DNAAF3: variants seen among roughly 807,000 people sequenced by gnomAD.
DNAAF3 encodes the protein dynein axonemal assembly factor 3.
A neutral mutation model predicts 50.9 loss-of-function variants in DNAAF3; 40 were observed. The ratio of observed to expected loss-of-function variants is 0.79; its 90% confidence interval spans 0.61 to 1.02. DNAAF3 has a LOEUF of 1.02. DNAAF3 is among the 50% of genes least tolerant of loss of function. The pLI, the probability that DNAAF3 is intolerant of heterozygous loss-of-function variation, is 0.00. For synonymous variants in DNAAF3, 327 were observed against 322.8 expected (o/e 1.01, Z -0.14); for missense variants, 763 against 744.7 (o/e 1.02, Z -0.29).
rs1317175338 is a variant in DNAAF3, at chr19:55,161,028, C to A, written c.912+37G>T. On this transcript the variant is annotated intron_variant, in intron 8 of 11. Transcript: ENST00000524407. This position sits in a 1 kb window ranked among gnomAD's most constrained non-coding sequence, Gnocchi z 6.4. ...GCCTTGCGCACCCACCGACCCCCAGCCCCACCTCTACCCCCAGTCCCAGCC... is the reference window on the plus strand; with the variant it reads ...GCCTTGCGCACCCACCGACCCCCAGACCCACCTCTACCCCCAGTCCCAGCC... 9 of 1,509,504 alleles carry A rather than the reference C, an allele frequency of 6.0e-6. No individual in the cohort carries two copies. Among genetic ancestry groups the A allele is most frequent in the Non-Finnish European group, 7.1e-6 (8 of 1,129,114 alleles). 93.5% of individuals were successfully genotyped at this position (1,509,504 alleles called of 1,614,324 possible). A position where few individuals can be genotyped will look rare whatever the true frequency, so the allele number is the denominator to read the frequency against.
rs369434675 is a variant in DNAAF3, at chr19:55,166,070, A to C, written c.86-70T>G. 5.6e-6 allele frequency: 9 copies of C among 1,612,286 alleles called. No individual in the cohort carries two copies. The highest frequency in any genetic ancestry group is 4.0e-5 in the African/African-American group (3 of 75,026). ...GCGTCCACCGTAGCATCCCCTATAA[A>C]AAATGGACTACAAATCCCAGTAGGC... is the stretch of plus-strand genomic sequence containing the variant. On this transcript the variant is annotated intron_variant, in intron 2 of 11. Coordinates refer to ENST00000524407, the MANE Select transcript of DNAAF3 (RefSeq NM_001256715.2). This position sits in a 1 kb window ranked among gnomAD's most constrained non-coding sequence, Gnocchi z 4.0.
intron 4 of DNAAF3, among the ~76,000 whole-genome samples, chr19:55,165,029 T>C (rs2085913159): frequency 1.5e-5 from 2 of 135,072 alleles, no homozygotes; most frequent in African/African-American, 5.8e-5. Context: ...CTCTTTTTTT[T>C]TTTTTTTTTT....
chr19:55,161,804 CCAGGGCATCCCGCT>C lies in DNAAF3; in HGVS notation c.488_501del (p.Glu163GlyfsTer52). ...CCAGCCCAGAAGCGGAATACGGCCT[CCAGGGCATCCCGCT>C]CGCGGAACTGCGGGGCCAGGCACGC... On this transcript the variant is annotated frameshift_variant, in exon 6 of 12. Coordinates refer to ENST00000524407, the MANE Select transcript of DNAAF3 (RefSeq NM_001256715.2). LOFTEE classifies it high-confidence loss of function. This position sits in a 1 kb window ranked among gnomAD's most constrained non-coding sequence, Gnocchi z 6.4. 6.9e-7 allele frequency: 1 copy of C among 1,449,738 alleles called. No homozygotes were observed. Among genetic ancestry groups the C allele is most frequent in the Non-Finnish European group, 9.1e-7 (1 of 1,102,314 alleles). The allele number at this position is 1,449,738 out of a possible 1,614,324, so 89.8% of individuals were successfully genotyped here.
At position 55,161,202 on chromosome 19, in the gene DNAAF3, A is replaced by G; in HGVS notation, c.790-15T>C. ...CGCTCCCCACGCTGGAAAAGGAGGG[A>G]GAGAGGAGGCAGGTGAGGTCGATGT... On this transcript the variant is annotated splice_polypyrimidine_tract_variant and intron_variant, in intron 7 of 11. Coordinates refer to ENST00000524407, the MANE Select transcript of DNAAF3 (RefSeq NM_001256715.2). The surrounding 1 kb of genome is among the most constrained non-coding windows in gnomAD (Gnocchi z 6.4). 1 of 1,582,848 alleles carries G rather than the reference A, an allele frequency of 6.3e-7. No homozygotes were observed. The highest frequency in any genetic ancestry group is 8.6e-7 in the Non-Finnish European group (1 of 1,163,312).
intron 4 of DNAAF3, among the ~76,000 whole-genome samples, chr19:55,163,685 T>G (rs2085885908): frequency 1.3e-5 from 2 of 152,244 alleles, no homozygotes; most frequent in Admixed American, 1.3e-4. Flanking sequence ...GAGGGATGAC[T>G]GTATATACCT....
At position 55,160,433 on chromosome 19, in the gene DNAAF3, G is replaced by GCAGAT. The variant is rs139659116; in HGVS notation, c.1048+202_1048+206dup. ...ATATTCTTGGATAGCTTAGCCCTCT[G>GCAGAT]CAGATAAGATTAGAATTCTGCTAGT... On this transcript the variant is annotated intron_variant, in intron 9 of 11. Transcript: ENST00000524407. This position sits in a 1 kb window ranked among gnomAD's most constrained non-coding sequence, Gnocchi z 4.7. Among the ~76,000 whole-genome samples, 3,511 of 152,336 alleles carry GCAGAT rather than the reference G, an allele frequency of 0.023. 64 individuals are homozygous for GCAGAT. Among genetic ancestry groups the GCAGAT allele is most frequent in the Non-Finnish European group, 0.035 (2,352 of 68,036 alleles).
chr19:55,165,532 C>T, intron 3 of DNAAF3, 69 bp from the exon 4 acceptor site: 1 of 1,481,488 alleles, frequency 6.7e-7, no homozygotes, highest in Non-Finnish European at 9.4e-7. Flanking sequence ...CCCAGGAGAG[C>T]AGGCCCTCAG....
In DNAAF3 at chr19:55,159,404, G is replaced by A. The variant is rs751187170; in HGVS notation, c.1284C>T (p.Thr428=). Residue 428 remains threonine (T), a synonymous_variant, in exon 12 of 12, where the codon ACC becomes ACT. Transcript: ENST00000524407. ...VRQEQLQGFN[T]RVRELAQAAG... is the part of the protein sequence containing the mutation. ...CTGCCTGAGCTAGCTCCCTGACCCG[G>A]GTGTTGAATCCCTGCAGCTGCTCCT... is the stretch of plus-strand genomic sequence containing the variant. 2.0e-5 allele frequency: 32 copies of A among 1,614,148 alleles called. 1 individual carries two copies. The South Asian group carries it at 3.3e-4, about 17-fold the overall frequency.
chr19:55,166,234 C>T lies in DNAAF3; in HGVS notation c.85+95G>A, dbSNP rs912363961. On this transcript the variant is annotated intron_variant, in intron 2 of 11. Coordinates refer to ENST00000524407, the MANE Select transcript of DNAAF3 (RefSeq NM_001256715.2). This position sits in a 1 kb window ranked among gnomAD's most constrained non-coding sequence, Gnocchi z 4.0. ...GAGCGTTGGAGAACGTTAGCGCCCC[C>T]CTTGCCACCGACGCTGGGACTACGA... is the stretch of plus-strand genomic sequence containing the variant. The T allele has an allele frequency of 1.1e-5, 17 of 1,551,630 alleles. No homozygotes were observed. The African/African-American group carries it at 2.2e-4, about 20-fold the overall frequency.
At chr19:55,165,080 A>G (rs1410483204) in intron 4 of DNAAF3, among the ~76,000 whole-genome samples, 3 of 115,600 alleles carry the variant, frequency 2.6e-5, no homozygotes, top group Non-Finnish European at 4.8e-5. Context: ...CCCTGGCTGG[A>G]GTGCAGTGGC....
Position 55,160,509 on chromosome 19 carries a change from G to A in DNAAF3, c.1048+131C>T. On this transcript the variant is annotated intron_variant, in intron 9 of 11. Coordinates refer to ENST00000524407, the MANE Select transcript of DNAAF3 (RefSeq NM_001256715.2). The surrounding 1 kb of genome is among the most constrained non-coding windows in gnomAD (Gnocchi z 4.7). The stretch of plus-strand genomic sequence containing the variant: ...TCAGAATTTAGGAAAGGGAGAGAAA[G>A]AGAGAAAAAGAGACAGAATATCAAG... The A allele has an allele frequency of 6.8e-7, 1 of 1,462,598 alleles. No homozygotes were observed. Among genetic ancestry groups the A allele is most frequent in the African/African-American group, 1.4e-5 (1 of 70,354 alleles). 90.6% of individuals were successfully genotyped at this position (1,462,598 alleles called of 1,614,324 possible).
At position 55,161,318 on chromosome 19, in the gene DNAAF3, A is replaced by G; in HGVS notation, c.764T>C (p.Leu255Pro). 6.2e-7 allele frequency: 1 copy of G among 1,609,744 alleles called. No individual in the cohort carries two copies. The highest frequency in any genetic ancestry group is 8.5e-7 in the Non-Finnish European group (1 of 1,178,210). The part of the protein sequence containing the change: ...SSAYHVPNRT[L>P]ASGRLLSYRG... ...GTAGCTCAGGAGGCGACCGGACGCC[A>G]GGGTCCGGTTGGGCACATGATAGGC... Residue 255 changes from leucine to proline, a missense_variant, in exon 7 of 12, where the codon CTG becomes CCG. Physicochemically the swap from Leu to Pro is moderately conservative, Grantham distance 98. Coordinates refer to ENST00000524407, the MANE Select transcript of DNAAF3 (RefSeq NM_001256715.2). This position sits in a 1 kb window ranked among gnomAD's most constrained non-coding sequence, Gnocchi z 6.4.
At chr19:55,159,713 T>C (rs1432992889) in intron 10 of DNAAF3, 106 bp from the exon 11 acceptor site, 1 of 1,566,164 alleles carries the variant, frequency 6.4e-7, no homozygotes, top group East Asian at 2.3e-5. Flanking sequence ...AAAACTGGAG[T>C]CTGGGTCCTG....
Position 55,160,022 on chromosome 19 carries a change from A to C in DNAAF3, c.1049-9T>G. 2.2e-5 allele frequency: 19 copies of C among 844,634 alleles called. No individual in the cohort carries two copies. Among genetic ancestry groups the C allele is most frequent in the Middle Eastern group, 2.7e-4 (1 of 3,694 alleles). 52.3% of individuals were successfully genotyped at this position (844,634 alleles called of 1,614,324 possible). On this transcript the variant is annotated splice_polypyrimidine_tract_variant and intron_variant, in intron 9 of 11. Coordinates refer to ENST00000524407, the MANE Select transcript of DNAAF3 (RefSeq NM_001256715.2). This position sits in a 1 kb window ranked among gnomAD's most constrained non-coding sequence, Gnocchi z 4.7. ...TTCCGGGGTCGGGGCTGCTGGGGGA[A>C]GGGGATAGAGGGGTCACCTCTGACA...
chr19:55,160,894 G>T lies in DNAAF3; in HGVS notation c.913-119C>A. The T allele has an allele frequency of 2.7e-6, 4 of 1,466,036 alleles. No homozygotes were observed. The highest frequency in any genetic ancestry group is 3.6e-6 in the Non-Finnish European group (4 of 1,111,584). 90.8% of individuals were successfully genotyped at this position (1,466,036 alleles called of 1,614,324 possible). On this transcript the variant is annotated intron_variant, in intron 8 of 11. Transcript: ENST00000524407. This position sits in a 1 kb window ranked among gnomAD's most constrained non-coding sequence, Gnocchi z 4.7. ...CGCAGCTGCTTGGAGGATGTGAAGT[G>T]GGGCGGGACCTATCCCGCGGGGATG...
Position 55,161,510 on chromosome 19 carries a change from C to T in DNAAF3, c.664-92G>A. The T allele has an allele frequency of 6.6e-7, 1 of 1,506,780 alleles. No homozygotes were observed. The allele number at this position is 1,506,780 out of a possible 1,614,324, so 93.3% of individuals were successfully genotyped here. A position where few individuals can be genotyped will look rare whatever the true frequency, so the allele number is the denominator to read the frequency against. On this transcript the variant is annotated intron_variant, in intron 6 of 11. Transcript: ENST00000524407. The surrounding 1 kb of genome is among the most constrained non-coding windows in gnomAD (Gnocchi z 6.4). ...CTCCCTCAGACCCAGGAGTCCAGGT[C>T]CCCAGGCCCTCCTCCCTCAGACCCA... is the stretch of plus-strand genomic sequence containing the variant.
Position 55,160,075 on chromosome 19 carries a change from A to G in DNAAF3, c.1049-62T>C. On this transcript the variant is annotated intron_variant, in intron 9 of 11. Coordinates refer to ENST00000524407, the MANE Select transcript of DNAAF3 (RefSeq NM_001256715.2). This position sits in a 1 kb window ranked among gnomAD's most constrained non-coding sequence, Gnocchi z 4.7. ...CGGAGCCATAAGGGCGGAAAACCAGAGAGATACACAGAGCTGGGCAGAGCT... is the reference window on the plus strand; with the variant it reads ...CGGAGCCATAAGGGCGGAAAACCAGGGAGATACACAGAGCTGGGCAGAGCT... The G allele has an allele frequency of 8.9e-7, 1 of 1,121,618 alleles. No individual in the cohort carries two copies. The highest frequency in any genetic ancestry group is 1.4e-6 in the Non-Finnish European group (1 of 737,396). 69.5% of individuals were successfully genotyped at this position (1,121,618 alleles called of 1,614,324 possible).
rs766807433 is a variant in DNAAF3 at position 55,161,104 on chromosome 19, G to A, written c.873C>T (p.Asp291=). The change falls in exon 8 of 12, where the codon GAC becomes GAT. Residue 291 remains aspartate (D), a synonymous_variant. Transcript: ENST00000524407. This position sits in a 1 kb window ranked among gnomAD's most constrained non-coding sequence, Gnocchi z 6.4. ...CGTTGCTCGTCCGCAGGAGGCTCTCGTCGTCCGCTTCGATGCCGAAGGCCA... is the reference window on the plus strand; with the variant it reads ...CGTTGCTCGTCCGCAGGAGGCTCTCATCGTCCGCTTCGATGCCGAAGGCCA... ...PFVAFGIEAD[D]ESLLRTSNGQ... 5.2e-6 allele frequency: 8 copies of A among 1,544,310 alleles called. No individual in the cohort carries two copies. The African/African-American group carries it at 9.6e-5, about 19-fold the overall frequency.
upstream of DNAAF3, chr19:55,166,670 C>A (rs755653322): frequency 6.2e-7 from 1 of 1,603,048 alleles, no homozygotes; most frequent in Non-Finnish European, 8.5e-7. The surrounding 1 kb of genome is among the most constrained non-coding windows in gnomAD (Gnocchi z 4.0). Flanking sequence ...CCACAGCGAG[C>A]AACTGACCAA....
Sources: allele counts gnomAD v4.1 joint callset (sites outside exome capture counted in the v4.1 genomes callset), GRCh38; gene constraint gnomAD v4.1.1; non-coding constraint Gnocchi (gnomAD v3.1); transcripts MANE v1.5; gene names NCBI Gene and HGNC (gene_info 2026-07-23, HGNC 2026-07-21).